Variants in KIF3A observed in about 807,000 individuals in gnomAD.
KIF3A encodes the protein kinesin family member 3A.
KIF3A carries 27 observed loss-of-function variants against 92.6 expected under a neutral mutation model. That is an observed-to-expected ratio of 0.29 (90% CI 0.21 to 0.40). The LOEUF is 0.40. KIF3A is among the 10% of genes least tolerant of loss of function. The pLI is 1.00. For synonymous variants in KIF3A, 250 were observed against 275.4 expected (o/e 0.91, Z 0.92); for missense variants, 581 against 872.6 (o/e 0.67, Z 4.21).
intron 1 of KIF3A, among the ~76,000 whole-genome samples, chr5:132,735,794 G>A (rs1371643577): frequency 6.6e-6 from 1 of 152,220 alleles, no homozygotes; most frequent in Non-Finnish European, 1.5e-5. Context: ...ATAGATCTCA[G>A]AACAAAAACC....
Position 132,720,796 on chromosome 5 carries a change from C to T in KIF3A, c.511-82G>A, listed in dbSNP as rs987663577. 7 of 744,896 alleles carry T rather than the reference C, an allele frequency of 9.4e-6. No homozygotes were observed. The East Asian group carries it at 1.6e-4, about 17-fold the overall frequency. 46.1% of individuals were successfully genotyped at this position (744,896 alleles called of 1,614,324 possible). The stretch of plus-strand genomic sequence containing the variant: ...GAGTATCTCCTATGTGTTGGACACT[C>T]TACTAGACAGAGGGAATATACTGAT... On this transcript the variant is annotated intron_variant, in intron 4 of 18. Transcript: ENST00000403231.
At chr5:132,727,442 A>G (rs1361888035) in intron 2 of KIF3A, among the ~76,000 whole-genome samples, 2 of 152,168 alleles carry the variant, frequency 1.3e-5, no homozygotes, top group Admixed American at 1.3e-4. Context: ...ACTTTCCAGA[A>G]GAGGTAAGGT....
At chr5:132,706,117 C>A (rs542824670) in intron 11 of KIF3A, among the ~76,000 whole-genome samples, 1 of 152,110 alleles carries the variant, frequency 6.6e-6, no homozygotes, top group South Asian at 2.1e-4. Flanking sequence ...TCAGGGCAGT[C>A]CTAATTGAAT....
intron 4 of KIF3A, 147 bp from the exon 5 acceptor site, chr5:132,720,861 G>A: frequency 2.0e-6 from 1 of 501,950 alleles, no homozygotes; most frequent in Non-Finnish European, 3.5e-6. Flanking sequence ...GATGTCTATA[G>A]GAAGAACATA....
chr5:132,706,505 G>A (rs1156372271), intron 10 of KIF3A, 46 bp from the exon 11 acceptor site: 15 of 1,500,928 alleles, frequency 1.0e-5, no homozygotes, highest in South Asian at 2.5e-5. Flanking sequence ...GAAGCAATAC[G>A]CACAGAGATG....
chr5:132,710,905 C>A, intron 9 of KIF3A, 54 bp downstream of exon 9: 1 of 1,612,350 alleles, frequency 6.2e-7, no homozygotes, highest in Non-Finnish European at 8.5e-7. Context: ...ATGCACTCTA[C>A]CACCTTGTGA....
rs1752841652 is a variant in KIF3A, at chr5:132,696,484, T to A, written c.*150A>T. The A allele has an allele frequency of 4.8e-6, 3 of 619,148 alleles. No homozygotes were observed. Among genetic ancestry groups the A allele is most frequent in the Non-Finnish European group, 2.9e-6 (1 of 339,076 alleles). 38.4% of individuals were successfully genotyped at this position (619,148 alleles called of 1,614,324 possible). The stretch of plus-strand genomic sequence containing the variant: ...ATATTAATATATGTAGACTAAAAGT[T>A]CTTAAGCAAATTATTATTTCCAGTC... On this transcript the variant is annotated 3_prime_UTR_variant, in exon 19 of 19. Transcript: ENST00000403231.
chr5:132,737,251 G>A (rs1168971888), intron 1 of KIF3A, among the ~76,000 whole-genome samples, 163 bp downstream of exon 1: 1 of 152,228 alleles, frequency 6.6e-6, no homozygotes, highest in Non-Finnish European at 1.5e-5. Flanking sequence ...CGCGGCCCCG[G>A]GGCTGACCAG....
intron 4 of KIF3A, among the ~76,000 whole-genome samples, chr5:132,722,859 T>C (rs913648071): frequency 1.3e-5 from 2 of 152,232 alleles, no homozygotes; most frequent in Non-Finnish European, 2.9e-5. Context: ...TTGTAGCTGT[T>C]ACAATTTTGA....
rs539196408 is a variant in KIF3A, at chr5:132,716,613, T to C, written c.757-171A>G. On this transcript the variant is annotated intron_variant, in intron 6 of 18. Coordinates refer to ENST00000403231, the MANE Select transcript of KIF3A (RefSeq NM_001300791.2). ...GTGGGGGAGAGTACATGAAACAAGATTAGCCATGAGCTGATTGTTGGGAGT... is the reference window on the plus strand; with the variant it reads ...GTGGGGGAGAGTACATGAAACAAGACTAGCCATGAGCTGATTGTTGGGAGT... Among the ~76,000 whole-genome samples the C allele has an allele frequency of 2.0e-5, 3 of 152,312 alleles. No individual in the cohort carries two copies. The East Asian group carries it at 5.8e-4, about 29-fold the overall frequency.
chr5:132,721,098 C>G (rs551263581), intron 4 of KIF3A, among the ~76,000 whole-genome samples: 1 of 151,930 alleles, frequency 6.6e-6, no homozygotes, highest in Admixed American at 6.6e-5. Flanking sequence ...AAACTAGGCA[C>G]TTACAAAAAA....
chr5:132,705,140 T>C (rs1753166624), intron 11 of KIF3A, among the ~76,000 whole-genome samples: 1 of 151,998 alleles, frequency 6.6e-6, no homozygotes, highest in Admixed American at 6.6e-5. Context: ...ATTGAATCTT[T>C]TGAATTAGCT....
intron 16 of KIF3A, 73 bp downstream of exon 16, chr5:132,700,574 G>T: frequency 9.7e-7 from 1 of 1,026,788 alleles, no homozygotes; most frequent in Non-Finnish European, 1.5e-6. Flanking sequence ...CCTCCCCACT[G>T]TAGCCAGCAC....
rs145857465 is a variant in KIF3A at position 132,736,068 on chromosome 5, C to G, written c.6+1346G>C. On this transcript the variant is annotated intron_variant, in intron 1 of 18. Coordinates refer to ENST00000403231, the MANE Select transcript of KIF3A (RefSeq NM_001300791.2). ...CACTTCACCTGGGAAGACTTCCTGA[C>G]TAGGTCAAATACTCTTATAGGCTCA... 3.6e-3 allele frequency among the ~76,000 whole-genome samples: 552 copies of G among 152,342 alleles called. 4 individuals carry two copies. Among genetic ancestry groups the G allele is most frequent in the African/African-American group, 0.012 (504 of 41,580 alleles).
intron 4 of KIF3A, chr5:132,723,548 GA>G: frequency 6.6e-6 from 1 of 152,286 alleles, no homozygotes; most frequent in South Asian, 2.1e-4. Context: ...AAGAAATGGG[GA>G]AAGGATTCCC....
At position 132,693,980 on chromosome 5, in the gene KIF3A, C is replaced by T. The variant is rs946843970; in HGVS notation, c.*2654G>A. On this transcript the variant is annotated 3_prime_UTR_variant, in exon 19 of 19. Transcript: ENST00000403231. Reference sequence around the variant, plus strand: ...TGGGCGACAGAGTAAGACTCCGTCTCAAAAAAAAAAAAAAGATATTCAGGC... The same window carrying T: ...TGGGCGACAGAGTAAGACTCCGTCTTAAAAAAAAAAAAAAGATATTCAGGC... The T allele has an allele frequency of 2.6e-5, 3 of 114,512 alleles. No individual in the cohort carries two copies. Among genetic ancestry groups the T allele is most frequent in the African/African-American group, 9.7e-5 (3 of 30,900 alleles). The allele number at this position is 114,512 out of a possible 1,614,324, so 7.1% of individuals were successfully genotyped here. A position where few individuals can be genotyped will look rare whatever the true frequency, so the allele number is the denominator to read the frequency against.
At chr5:132,706,250 C>T (rs1753205839) in intron 11 of KIF3A, among the ~76,000 whole-genome samples, 1 of 151,928 alleles carries the variant, frequency 6.6e-6, no homozygotes. Flanking sequence ...CAAACTTTGG[C>T]TTAATGAGTC....
chr5:132,726,274 A>G, intron 3 of KIF3A, 62 bp from the exon 4 acceptor site: 2 of 1,570,466 alleles, frequency 1.3e-6, no homozygotes, highest in Non-Finnish European at 1.7e-6. Flanking sequence ...GTTTTAAAAT[A>G]TGTTTATAAA....
At chr5:132,711,801 C>A (rs185904943) in intron 8 of KIF3A, among the ~76,000 whole-genome samples, 2 of 151,840 alleles carry the variant, frequency 1.3e-5, no homozygotes, top group Admixed American at 1.3e-4. Flanking sequence ...AACAATGATC[C>A]CACTTTTAGG....
Sources: allele counts gnomAD v4.1 joint callset (sites outside exome capture counted in the v4.1 genomes callset), GRCh38; gene constraint gnomAD v4.1.1; transcripts MANE v1.5; gene names NCBI Gene and HGNC (gene_info 2026-07-23, HGNC 2026-07-21).